BRAF: variants seen among roughly 807,000 people sequenced by gnomAD.
The protein encoded by BRAF is serine/threonine-protein kinase B-raf.
A neutral mutation model predicts 104.6 loss-of-function variants in BRAF; 16 were observed. That is an observed-to-expected ratio of 0.15 (90% CI 0.10 to 0.23). The LOEUF is 0.23. BRAF is among the 10% of genes least tolerant of loss of function. The probability of loss-of-function intolerance (pLI) is 1.00; values close to 1 mark genes in which losing one functional copy is unlikely to be tolerated. For synonymous variants in BRAF, 310 were observed against 341.6 expected, an observed-to-expected ratio of 0.91 and a Z score of 1.02; for missense variants, 541 against 937.3, an observed-to-expected ratio of 0.58 and a Z score of 5.52.
intron 1 of BRAF, among the ~76,000 whole-genome samples, chr7:140,911,988 G>A (rs972358085): frequency 6.6e-6 from 1 of 152,162 alleles, no homozygotes; most frequent in Non-Finnish European, 1.5e-5. Context: ...TCATAATGCT[G>A]TCTAGACAAC....
intron 14 of BRAF, among the ~76,000 whole-genome samples, chr7:140,769,952 T>C (rs1799682499): frequency 6.6e-6 from 1 of 152,218 alleles, no homozygotes; most frequent in South Asian, 2.1e-4. Context: ...CTAATGTTTC[T>C]TGGGGTTAGA....
In BRAF at chr7:140,721,579, T is replaced by C; in HGVS notation, c.*4915A>G. On this transcript the variant is annotated 3_prime_UTR_variant, in exon 20 of 20. Coordinates refer to ENST00000644969, the MANE Select transcript of BRAF (RefSeq NM_001374258.1). ...CTAGCAACATGGACCACAGATATAC[T>C]GGTGACTCCGCTCTCCTCTGGCCAA... is the stretch of plus-strand genomic sequence containing the variant. The C allele has an allele frequency of 6.5e-7, 1 of 1,526,944 alleles. No individual in the cohort carries two copies. Among genetic ancestry groups the C allele is most frequent in the Non-Finnish European group, 8.7e-7 (1 of 1,143,100 alleles). 94.6% of individuals were successfully genotyped at this position (1,526,944 alleles called of 1,614,324 possible).
chr7:140,781,222 C>A (rs977926877), intron 12 of BRAF: 1 of 294,362 alleles, frequency 3.4e-6, no homozygotes, highest in Non-Finnish European at 6.5e-6. Flanking sequence ...TAAGCCACTG[C>A]GCCCAGCCAT....
At chr7:140,912,470 A>T (rs1817092910) in intron 1 of BRAF, among the ~76,000 whole-genome samples, 1 of 152,128 alleles carries the variant, frequency 6.6e-6, no homozygotes, top group African/African-American at 2.4e-5. Context: ...ACCTCTTCTA[A>T]GACAGTGCTT....
intron 3 of BRAF, among the ~76,000 whole-genome samples, chr7:140,831,505 A>G (rs1056299146): frequency 6.6e-6 from 1 of 152,188 alleles, no homozygotes; most frequent in Non-Finnish European, 1.5e-5. Flanking sequence ...CGACTTTTAG[A>G]GCTTTTTCAT....
intron 1 of BRAF, among the ~76,000 whole-genome samples, chr7:140,862,053 C>T (rs1810475857): frequency 6.6e-6 from 1 of 152,158 alleles, no homozygotes; most frequent in Admixed American, 6.5e-5. Context: ...TAGTCATTTC[C>T]CATTTAGAAA....
chr7:140,826,665 C>T (rs1443545142), intron 3 of BRAF, among the ~76,000 whole-genome samples: 2 of 152,114 alleles, frequency 1.3e-5, no homozygotes, highest in African/African-American at 2.4e-5. Flanking sequence ...CAGATTTGTA[C>T]CCTCTACTGT....
At chr7:140,866,257 G>A (rs571408692) in intron 1 of BRAF, among the ~76,000 whole-genome samples, 3 of 152,220 alleles carry the variant, frequency 2.0e-5, no homozygotes, top group South Asian at 2.1e-4. Context: ...TGTTTCCTGC[G>A]TTTTGGTACA....
intron 1 of BRAF, among the ~76,000 whole-genome samples, chr7:140,854,780 A>G (rs1304448029): frequency 6.6e-6 from 1 of 152,028 alleles, no homozygotes. Context: ...CCCCGTCTCT[A>G]CTAAAAATAC....
chr7:140,889,953 T>C (rs1814030607), intron 1 of BRAF, among the ~76,000 whole-genome samples: 1 of 152,246 alleles, frequency 6.6e-6, no homozygotes, highest in Non-Finnish European at 1.5e-5. Flanking sequence ...TCAAGCAATG[T>C]GCCCTTAGGC....
chr7:140,856,408 C>T (rs924036261), intron 1 of BRAF, among the ~76,000 whole-genome samples: 8 of 152,032 alleles, frequency 5.3e-5, no homozygotes, highest in East Asian at 1.9e-4. Flanking sequence ...AAACAGAAAA[C>T]GAATATAATC....
chr7:140,736,251 G>A (rs1203535395), intron 18 of BRAF, among the ~76,000 whole-genome samples: 3 of 151,118 alleles, frequency 2.0e-5, no homozygotes, highest in Admixed American at 1.3e-4. Flanking sequence ...TGTATTTTTA[G>A]TAGAGACGGG....
intron 1 of BRAF, among the ~76,000 whole-genome samples, chr7:140,910,465 G>A (rs1816844127): frequency 6.6e-6 from 1 of 152,072 alleles, no homozygotes; most frequent in African/African-American, 2.4e-5. Context: ...TTGTTTAGAA[G>A]ACTTTTTTCC....
downstream of BRAF, among the ~76,000 whole-genome samples, chr7:140,715,074 T>G (rs1408476037): frequency 6.6e-6 from 1 of 152,170 alleles, no homozygotes; most frequent in Non-Finnish European, 1.5e-5. Flanking sequence ...GCCACAGGTT[T>G]AGATTCTGGG....
chr7:140,844,691 C>T (rs1380799595), intron 2 of BRAF, among the ~76,000 whole-genome samples: 1 of 152,132 alleles, frequency 6.6e-6, no homozygotes, highest in Non-Finnish European at 1.5e-5. Flanking sequence ...TTTGGGAAGC[C>T]AAGGCAGGTG....
intron 1 of BRAF, among the ~76,000 whole-genome samples, chr7:140,884,562 T>C (rs1224263204): frequency 6.6e-6 from 1 of 151,416 alleles, no homozygotes; most frequent in Non-Finnish European, 1.5e-5. Flanking sequence ...CTCCCCACAA[T>C]CTCAAACTCT....
chr7:140,791,636 A>G (rs953056823), intron 8 of BRAF, among the ~76,000 whole-genome samples: 2 of 152,210 alleles, frequency 1.3e-5, no homozygotes, highest in Non-Finnish European at 2.9e-5. Context: ...CTTATATCCA[A>G]CTGCTACTGG....
Position 140,722,979 on chromosome 7 carries a change from T to C in BRAF, c.*3515A>G, listed in dbSNP as rs1387641677. 9.5e-7 allele frequency: 1 copy of C among 1,054,034 alleles called. No individual in the cohort carries two copies. 65.3% of individuals were successfully genotyped at this position (1,054,034 alleles called of 1,614,324 possible). A position where few individuals can be genotyped will look rare whatever the true frequency, so the allele number is the denominator to read the frequency against. Reference sequence around the variant, plus strand: ...CAAAATGAGAGTGCTCAAATACAAGTACACAAAAAAGTTAAAATCTTAAAT... The same window carrying C: ...CAAAATGAGAGTGCTCAAATACAAGCACACAAAAAAGTTAAAATCTTAAAT... On this transcript the variant is annotated 3_prime_UTR_variant, in exon 20 of 20. Transcript: ENST00000644969.
At chr7:140,833,032 C>G (rs547266001) in intron 3 of BRAF, among the ~76,000 whole-genome samples, 1 of 152,034 alleles carries the variant, frequency 6.6e-6, no homozygotes, top group Non-Finnish European at 1.5e-5. Flanking sequence ...CACCACCACG[C>G]CCCGCTAATC....
Sources: allele counts gnomAD v4.1 joint callset (sites outside exome capture counted in the v4.1 genomes callset), GRCh38; gene constraint gnomAD v4.1.1; transcripts MANE v1.5; gene names NCBI Gene and HGNC (gene_info 2026-07-23, HGNC 2026-07-21).